Variants in NFAT5 observed in about 807,000 individuals in gnomAD.
The protein encoded by NFAT5 is nuclear factor of activated T cells 5.
NFAT5 carries 31 observed loss-of-function variants against 166.5 expected under a neutral mutation model. That is an observed-to-expected ratio of 0.19 (90% CI 0.14 to 0.25). NFAT5 has a LOEUF of 0.25. Among genes scored for constraint, NFAT5 ranks in the 10% least tolerant of loss-of-function variants. The probability of loss-of-function intolerance (pLI) is 1.00; values close to 1 mark genes in which losing one functional copy is unlikely to be tolerated. For missense variants in NFAT5, 1,449 were observed against 1,821.8 expected, an observed-to-expected ratio of 0.80 and a Z score of 3.72; for synonymous variants, 612 against 639.7, an observed-to-expected ratio of 0.96 and a Z score of 0.65.
intron 7 of NFAT5, among the ~76,000 whole-genome samples, chr16:69,666,867 G>A (rs1290270395): frequency 2.6e-5 from 4 of 152,080 alleles, no homozygotes; most frequent in African/African-American, 9.7e-5. Context: ...AAAGATACAT[G>A]CACACATATG....
At chr16:69,686,974 A>T (rs1436606653) in intron 11 of NFAT5, among the ~76,000 whole-genome samples, 1 of 152,216 alleles carries the variant, frequency 6.6e-6, no homozygotes, top group Admixed American at 6.5e-5. Flanking sequence ...CTTAGAGCAA[A>T]TTAATTCTTA....
chr16:69,597,927 G>A (rs1231831106), intron 2 of NFAT5, among the ~76,000 whole-genome samples: 1 of 152,154 alleles, frequency 6.6e-6, no homozygotes, highest in Non-Finnish European at 1.5e-5. Flanking sequence ...ATAACTAAGT[G>A]AGGATTACCC....
intron 10 of NFAT5, among the ~76,000 whole-genome samples, chr16:69,679,250 G>A (rs761175943): frequency 1.3e-5 from 2 of 151,934 alleles, no homozygotes; most frequent in African/African-American, 4.8e-5. Flanking sequence ...ATTCTTAATC[G>A]TATCTGAATT....
intron 2 of NFAT5, among the ~76,000 whole-genome samples, chr16:69,605,857 G>A (rs1339216004): frequency 6.6e-6 from 1 of 152,044 alleles, no homozygotes; most frequent in Admixed American, 6.6e-5. Flanking sequence ...GGGACTACAG[G>A]CGCCCGCCAC....
At chr16:69,675,901 A>G (rs2036813982) in intron 9 of NFAT5, among the ~76,000 whole-genome samples, 1 of 152,176 alleles carries the variant, frequency 6.6e-6, no homozygotes, top group Non-Finnish European at 1.5e-5. Context: ...TCGGCCTCCC[A>G]AAGTGTTGGG....
intron 5 of NFAT5, among the ~76,000 whole-genome samples, chr16:69,654,413 G>A (rs1197353070): frequency 6.6e-6 from 1 of 152,166 alleles, no homozygotes; most frequent in East Asian, 1.9e-4. Context: ...TAATAGTCAC[G>A]TGTACAATAT....
intron 3 of NFAT5, among the ~76,000 whole-genome samples, chr16:69,635,023 G>GTT (rs530661389): frequency 1.1e-3 from 121 of 105,232 alleles, no homozygotes; most frequent in Non-Finnish European, 1.5e-3. Flanking sequence ...TGTTAGTAAA[G>GTT]TTTTTTTTTT....
intron 9 of NFAT5, among the ~76,000 whole-genome samples, chr16:69,674,550 C>T (rs2036757739): frequency 1.3e-5 from 2 of 151,834 alleles, no homozygotes; most frequent in South Asian, 2.1e-4. Flanking sequence ...AAAGAAAATT[C>T]TTGAAAGAAG....
In NFAT5 at chr16:69,695,176, T is replaced by C; in HGVS notation, c.4455T>C (p.Pro1485=). The C allele has an allele frequency of 1.2e-6, 2 of 1,614,212 alleles. No individual in the cohort carries two copies. Among genetic ancestry groups the C allele is most frequent in the Non-Finnish European group, 1.7e-6 (2 of 1,180,032 alleles). ...QLLTSGPATL[P]DQLMAISQPG... is the part of the protein sequence containing the mutation. ...TAACCTCTGGACCAGCTACATTGCCTGATCAGTTGATGGCCATAAGTCAGC... is the reference window on the plus strand; with the variant it reads ...TAACCTCTGGACCAGCTACATTGCCCGATCAGTTGATGGCCATAAGTCAGC... The change falls in exon 14 of 15, where the codon CCT becomes CCC. Residue 1485 remains proline, a synonymous_variant. Transcript: ENST00000349945.
chr16:69,588,394 G>A (rs1436078141), intron 2 of NFAT5, among the ~76,000 whole-genome samples: 1 of 152,186 alleles, frequency 6.6e-6, no homozygotes, highest in Non-Finnish European at 1.5e-5. Context: ...GCCTGTATTT[G>A]GTGAAATTAA....
chr16:69,685,483 GT>G (rs2037260832), intron 11 of NFAT5: 1 of 151,498 alleles, frequency 6.6e-6, no homozygotes, highest in South Asian at 2.1e-4. Context: ...GGAGGCAGGG[GT>G]TGCAGTGAGC....
intron 3 of NFAT5, among the ~76,000 whole-genome samples, chr16:69,637,020 A>G (rs1467258882): frequency 6.6e-6 from 1 of 152,240 alleles, no homozygotes; most frequent in Non-Finnish European, 1.5e-5. Context: ...TGCCTTTAAC[A>G]GAACCCAAGT....
chr16:69,654,510 A>G (rs9788837), intron 5 of NFAT5, among the ~76,000 whole-genome samples: 33,370 of 152,100 alleles, frequency 0.22, 3,977 homozygotes, highest in East Asian at 0.45. Flanking sequence ...TGAGAAATCT[A>G]TGTTATGCTT....
At chr16:69,596,937 A>T (rs958266957) in intron 2 of NFAT5, among the ~76,000 whole-genome samples, 4 of 152,114 alleles carry the variant, frequency 2.6e-5, no homozygotes, top group Non-Finnish European at 5.9e-5. Flanking sequence ...GTATAGTTTG[A>T]TGAGGTGGGA....
At chr16:69,676,571 TC>T (rs1281912297) in intron 9 of NFAT5, among the ~76,000 whole-genome samples, 1 of 152,238 alleles carries the variant, frequency 6.6e-6, no homozygotes, top group Non-Finnish European at 1.5e-5. Flanking sequence ...AAGGTACTAT[TC>T]TTTACAAGTG....
At chr16:69,641,548 T>C (rs531516235) in intron 3 of NFAT5, among the ~76,000 whole-genome samples, 2 of 152,288 alleles carry the variant, frequency 1.3e-5, no homozygotes, top group Admixed American at 6.5e-5. Flanking sequence ...TTCTGTCATA[T>C]ATTTTAAAGC....
chr16:69,641,772 C>G (rs1296495898), intron 3 of NFAT5, among the ~76,000 whole-genome samples: 1 of 152,006 alleles, frequency 6.6e-6, no homozygotes, highest in African/African-American at 2.4e-5. Context: ...TATATAAAAT[C>G]TACATGGGTT....
Position 69,631,388 on chromosome 16 carries a change from G to A in NFAT5, c.253+4860G>A, listed in dbSNP as rs182489010. ...AGAGGTTGCAGTGAGCCAAGATCACGCCACTGCACTCCAGCCTGGGCGATA... is the reference window on the plus strand; with the variant it reads ...AGAGGTTGCAGTGAGCCAAGATCACACCACTGCACTCCAGCCTGGGCGATA... On this transcript the variant is annotated intron_variant, in intron 3 of 14. Transcript: ENST00000349945. 2.3e-3 allele frequency among the ~76,000 whole-genome samples: 354 copies of A among 152,084 alleles called. 2 individuals carry two copies. Among genetic ancestry groups the A allele is most frequent in the South Asian group, 5.8e-3 (28 of 4,818 alleles).
At chr16:69,634,299 AT>A (rs1174417059) in intron 3 of NFAT5, among the ~76,000 whole-genome samples, 4 of 150,590 alleles carry the variant, frequency 2.7e-5, no homozygotes, top group Non-Finnish European at 5.9e-5. Flanking sequence ...AAAAAAAAAA[AT>A]CATACATAGT....
Sources: gnomAD v4.1 joint callset for allele counts (sites outside exome capture counted in the v4.1 genomes callset) on GRCh38, gnomAD v4.1.1 for gene constraint, MANE v1.5 for transcripts, NCBI Gene and HGNC (gene_info 2026-07-23, HGNC 2026-07-21) for gene names.